JAKMIP3: variants seen among roughly 807,000 people sequenced by gnomAD.
JAKMIP3 encodes the protein Janus kinase and microtubule interacting protein 3, also known as janus kinase and microtubule-interacting protein 3.
In JAKMIP3, 58 loss-of-function variants were observed where a neutral mutation model predicts 118.5. That is an observed-to-expected ratio of 0.49 (90% CI 0.40 to 0.61). The LOEUF is 0.61. Among genes scored for constraint, JAKMIP3 ranks in the 20% least tolerant of loss-of-function variants. The pLI is 0.00. For missense variants in JAKMIP3, 950 were observed against 1,109.0 expected (o/e 0.86, Z 2.04); for synonymous variants, 486 against 451.2 (o/e 1.08, Z -0.98).
intron 1 of JAKMIP3, among the ~76,000 whole-genome samples, chr10:132,072,564 G>T (rs1282075600): frequency 1.3e-5 from 2 of 151,976 alleles, no homozygotes; most frequent in Non-Finnish European, 2.9e-5. Context: ...ACTTTAATCT[G>T]AAAATATTTG....
At chr10:132,072,666 ATAT>A (rs769372908) in intron 1 of JAKMIP3, among the ~76,000 whole-genome samples, 30 of 152,058 alleles carry the variant, frequency 2.0e-4, no homozygotes, top group Non-Finnish European at 3.7e-4. Context: ...TTTTCTGTTA[ATAT>A]TATCTCTTCT....
At chr10:132,066,606 C>G (rs191088225) in intron 1 of JAKMIP3, among the ~76,000 whole-genome samples, 1 of 152,308 alleles carries the variant, frequency 6.6e-6, no homozygotes, top group East Asian at 1.9e-4. Flanking sequence ...CACCTACCTG[C>G]GCATTGATTG....
intron 1 of JAKMIP3, among the ~76,000 whole-genome samples, chr10:132,070,507 G>A (rs1166833706): frequency 1.3e-5 from 2 of 152,156 alleles, no homozygotes; most frequent in Non-Finnish European, 2.9e-5. Context: ...GATGTCTTCA[G>A]ATCCTTAATC....
intron 22 of JAKMIP3, 81 bp downstream of exon 22, chr10:132,167,136 G>T (rs2058989928): frequency 1.0e-6 from 1 of 955,568 alleles, no homozygotes; most frequent in Non-Finnish European, 1.6e-6. Flanking sequence ...CTGCCAGGGA[G>T]TTGCCCACCT....
In JAKMIP3 at chr10:132,184,178, A is replaced by T. The variant is rs146617919; in HGVS notation, c.*2925A>T. ...ACATAAATAGCAGATTCCTTTGTTG[A>T]CACCAGTGTGTTGTTTACCTTGTGC... On this transcript the variant is annotated 3_prime_UTR_variant, in exon 24 of 24. Transcript: ENST00000684848. 2.6e-4 allele frequency: 40 copies of T among 152,334 alleles called. No homozygotes were observed. Among genetic ancestry groups the T allele is most frequent in the African/African-American group, 9.4e-4 (39 of 41,570 alleles). 9.4% of individuals were successfully genotyped at this position (152,334 alleles called of 1,614,324 possible).
chr10:132,056,786 G>A (rs1262684626), intron 1 of JAKMIP3, among the ~76,000 whole-genome samples: 1 of 152,228 alleles, frequency 6.6e-6, no homozygotes, highest in Admixed American at 6.5e-5. Context: ...GCTGCTGAAT[G>A]CCAGGGGCAT....
intron 1 of JAKMIP3, among the ~76,000 whole-genome samples, chr10:132,056,710 T>C (rs1214804555): frequency 6.6e-6 from 1 of 152,224 alleles, no homozygotes; most frequent in African/African-American, 2.4e-5. Context: ...ACAGTTGCAC[T>C]GACCCATGGG....
At chr10:132,132,123 A>G (rs1196780770) in intron 3 of JAKMIP3, among the ~76,000 whole-genome samples, 3 of 152,216 alleles carry the variant, frequency 2.0e-5, no homozygotes, top group Non-Finnish European at 4.4e-5. Context: ...ATGGGGATTT[A>G]GCAATTAAGG....
chr10:132,104,140 G>T (rs2045539433), intron 1 of JAKMIP3, among the ~76,000 whole-genome samples: 1 of 142,278 alleles, frequency 7.0e-6, no homozygotes, highest in Admixed American at 6.7e-5. Context: ...ATGGATGCAG[G>T]TTGCCTCCAC....
intron 1 of JAKMIP3, among the ~76,000 whole-genome samples, chr10:132,036,798 A>T (rs1195290056): frequency 1.3e-5 from 2 of 151,252 alleles, no homozygotes; most frequent in African/African-American, 4.8e-5. Flanking sequence ...TGCGTCTGGC[A>T]CGGTGCGTCC....
intron 1 of JAKMIP3, among the ~76,000 whole-genome samples, chr10:132,089,356 C>T (rs1398526459): frequency 6.6e-6 from 1 of 152,138 alleles, no homozygotes; most frequent in Non-Finnish European, 1.5e-5. Flanking sequence ...AATGTTTTTC[C>T]ATTTGTATGT....
chr10:132,180,782 T>TGTGTGC lies in JAKMIP3; in HGVS notation c.*1104-1574_*1104-1573insTGTGCG, dbSNP rs1554963508. 2.1e-3 allele frequency among the ~76,000 whole-genome samples: 130 copies of TGTGTGC among 60,626 alleles called. 44 individuals carry two copies. The highest frequency in any genetic ancestry group is 9.5e-3 in the African/African-American group (118 of 12,402). 39.8% of individuals were successfully genotyped at this position (60,626 alleles called of 152,430 possible). On this transcript the variant is annotated intron_variant, in intron 23 of 23. Coordinates refer to ENST00000684848, the MANE Select transcript of JAKMIP3 (RefSeq NM_001323087.2). ...GTGCGTGTGTGTGCGTGTGTGTGTG[T>TGTGTGC]GCGCGTATGCATGTGCTGTGAGTGG...
At position 132,145,155 on chromosome 10, in the gene JAKMIP3, G is replaced by A; in HGVS notation, c.1651G>A (p.Glu551Lys). The change falls in exon 12 of 24, where the codon GAG becomes AAG. Residue 551 changes from glutamate to lysine, a missense_variant. By Grantham distance (56) the Glu-to-Lys change is moderately conservative. Coordinates refer to ENST00000684848, the MANE Select transcript of JAKMIP3 (RefSeq NM_001323087.2). ...AEVQRAQARI[E>K]DLEKALAEQG... The stretch of plus-strand genomic sequence containing the variant: ...AGTGCAGAGGGCACAGGCGCGGATA[G>A]AGGACCTGGAGAAGGCCCTGGCGGA... The A allele has an allele frequency of 1.9e-6, 3 of 1,612,336 alleles. No homozygotes were observed. Among genetic ancestry groups the A allele is most frequent in the Non-Finnish European group, 2.5e-6 (3 of 1,179,692 alleles).
rs1564921008 is a variant in JAKMIP3 at position 132,118,826 on chromosome 10, G to A, written c.633+1252G>A. Among the ~76,000 whole-genome samples, 1 of 152,188 alleles carries A rather than the reference G, an allele frequency of 6.6e-6. No individual in the cohort carries two copies. The highest frequency in any genetic ancestry group is 2.4e-5 in the African/African-American group (1 of 41,434). On this transcript the variant is annotated intron_variant, in intron 3 of 23. Transcript: ENST00000684848. This position sits in a 1 kb window ranked among gnomAD's most constrained non-coding sequence, Gnocchi z 4.8. ...GCCCAAACCAGCACTCATAAGAACC[G>A]GGTGCTTTCTTCGCGTGACACGATG... is the stretch of plus-strand genomic sequence containing the variant.
intron 1 of JAKMIP3, among the ~76,000 whole-genome samples, chr10:132,038,074 A>C (rs1008339895): frequency 6.6e-6 from 1 of 152,248 alleles, no homozygotes; most frequent in African/African-American, 2.4e-5. Context: ...GTTTGTTTTA[A>C]GTAGGATTTT....
At position 132,137,245 on chromosome 10, in the gene JAKMIP3, C is replaced by G. The variant is rs1269508940; in HGVS notation, c.1249-9C>G. On this transcript the variant is annotated splice_polypyrimidine_tract_variant and intron_variant, in intron 7 of 23. Transcript: ENST00000684848. ...AGCAATTCCGTAACATGCTGTCTTC[C>G]TTTCCTAGACCCTTGAGACCGCCGG... 3.1e-6 allele frequency: 5 copies of G among 1,613,818 alleles called. No homozygotes were observed. The highest frequency in any genetic ancestry group is 4.2e-6 in the Non-Finnish European group (5 of 1,179,892).
At chr10:132,180,678 C>CGTGT (rs1323173621) in intron 23 of JAKMIP3, among the ~76,000 whole-genome samples, 170 of 9,546 alleles carry the variant, frequency 0.018, 19 homozygotes, top group Admixed American at 0.032. Context: ...TGTGTGTGCG[C>CGTGT]GCGCGTGTGT....
At chr10:132,178,314 T>C (rs1338292543) in intron 23 of JAKMIP3, among the ~76,000 whole-genome samples, 1 of 152,060 alleles carries the variant, frequency 6.6e-6, no homozygotes, top group African/African-American at 2.4e-5. Context: ...ACAGCACTGG[T>C]CCCCTCTGTA....
At chr10:132,125,809 A>T (rs753982866) in intron 3 of JAKMIP3, among the ~76,000 whole-genome samples, 2 of 152,216 alleles carry the variant, frequency 1.3e-5, no homozygotes, top group Non-Finnish European at 2.9e-5. Context: ...AATACAATTG[A>T]TTTTTATATC....
Sources: allele counts gnomAD v4.1 joint callset (sites outside exome capture counted in the v4.1 genomes callset), GRCh38; gene constraint gnomAD v4.1.1; non-coding constraint Gnocchi (gnomAD v3.1); transcripts MANE v1.5; gene names NCBI Gene and HGNC (gene_info 2026-07-23, HGNC 2026-07-21).